RASA1: variants seen among roughly 807,000 people sequenced by gnomAD.
RASA1 encodes the protein ras GTPase-activating protein 1.
RASA1 carries 25 observed loss-of-function variants against 132.2 expected under a neutral mutation model. The observed-to-expected ratio is 0.19, with a 90% CI of 0.14 to 0.26. The LOEUF (loss-of-function observed/expected upper bound fraction) is 0.26, where lower values mean the gene tolerates loss of function less well. Among genes scored for constraint, RASA1 ranks in the 10% least tolerant of loss-of-function variants. RASA1 has a pLI of 1.00. For missense variants in RASA1, 964 were observed against 1,299.2 expected, an observed-to-expected ratio of 0.74 and a Z score of 3.97; for synonymous variants, 477 against 449.9, an observed-to-expected ratio of 1.06 and a Z score of -0.76.
intron 1 of RASA1, chr5:87,330,924 T>A: frequency 7.2e-7 from 1 of 1,393,174 alleles, no homozygotes; most frequent in Middle Eastern, 2.0e-4. Flanking sequence ...ATAAAACATT[T>A]TATATTCTCA....
intron 8 of RASA1, among the ~76,000 whole-genome samples, chr5:87,350,770 C>G (rs1759203984): frequency 6.6e-6 from 1 of 151,064 alleles, no homozygotes; most frequent in Non-Finnish European, 1.5e-5. Flanking sequence ...ACCATTCCCC[C>G]AGAACTTTGA....
chr5:87,386,997 A>G, intron 23 of RASA1, 94 bp downstream of exon 23: 2 of 1,182,484 alleles, frequency 1.7e-6, no homozygotes, highest in South Asian at 1.3e-5. Flanking sequence ...AAGATTTTCT[A>G]TCCAAAACTA....
At chr5:87,337,413 G>C (rs1186178332) in intron 4 of RASA1, among the ~76,000 whole-genome samples, 1 of 151,992 alleles carries the variant, frequency 6.6e-6, no homozygotes, top group African/African-American at 2.4e-5. Flanking sequence ...TGGATAATGG[G>C]TATCTGGGTG....
At chr5:87,360,831 T>C (rs1472579644) in intron 9 of RASA1, among the ~76,000 whole-genome samples, 1 of 152,222 alleles carries the variant, frequency 6.6e-6, no homozygotes, top group Non-Finnish European at 1.5e-5. Flanking sequence ...GCTGTTTCTT[T>C]GCATTCGTTT....
intron 5 of RASA1, among the ~76,000 whole-genome samples, chr5:87,338,536 A>ATATATATATATATATATATATTTTTT: frequency 4.7e-5 from 4 of 85,216 alleles, no homozygotes; most frequent in Admixed American, 2.6e-4. Flanking sequence ...TATATATAAA[A>ATATATATATATATATATATATTTTTT]TTTTTTTTTT....
intron 24 of RASA1, among the ~76,000 whole-genome samples, chr5:87,390,129 A>G: frequency 6.6e-6 from 1 of 152,218 alleles, no homozygotes; most frequent in East Asian, 1.9e-4. Context: ...GGATGTATTC[A>G]AAGACCAGAC....
chr5:87,387,811 C>T (rs1762169295), intron 23 of RASA1, among the ~76,000 whole-genome samples: 1 of 152,052 alleles, frequency 6.6e-6, no homozygotes, highest in South Asian at 2.1e-4. Context: ...GTGAAATGGA[C>T]AAAAATGCTA....
chr5:87,317,955 G>A (rs1288380421), intron 1 of RASA1, among the ~76,000 whole-genome samples: 3 of 151,850 alleles, frequency 2.0e-5, no homozygotes, highest in Non-Finnish European at 4.4e-5. Flanking sequence ...ACACTCTTAA[G>A]CTCATTTTTT....
chr5:87,281,745 A>C (rs1490437051), intron 1 of RASA1, among the ~76,000 whole-genome samples: 1 of 151,618 alleles, frequency 6.6e-6, no homozygotes, highest in East Asian at 1.9e-4. Context: ...CACGCCCGGC[A>C]AATTTTTGTG....
rs563683445 is a variant in RASA1 at position 87,304,691 on chromosome 5, C to T, written c.540-26657C>T. On this transcript the variant is annotated intron_variant, in intron 1 of 24. Transcript: ENST00000274376. The stretch of plus-strand genomic sequence containing the variant: ...CCATGTTGGGGAGGCTGGTCTTGAA[C>T]TCCTGACCTCAAGTGATCCACCCGC... Among the ~76,000 whole-genome samples, 9 of 152,248 alleles carry T rather than the reference C, an allele frequency of 5.9e-5. No homozygotes were observed. In the South Asian group the frequency reaches 1.9e-3, roughly 32 times the overall value.
At chr5:87,322,332 G>T (rs900815569) in intron 1 of RASA1, among the ~76,000 whole-genome samples, 1 of 152,134 alleles carries the variant, frequency 6.6e-6, no homozygotes, top group South Asian at 2.1e-4. Context: ...TCACAGGAGC[G>T]CAAACCCTAT....
chr5:87,349,229 G>A lies in RASA1; in HGVS notation c.1118G>A (p.Ser373Asn). The change falls in exon 8 of 25, where the codon AGT (serine) becomes AAT (asparagine). Residue 373 changes from serine to asparagine, a missense_variant. By Grantham distance (46) the Ser-to-Asn change is conservative (BLOSUM62 1). This residue lies in a region of RASA1 where 154 missense variants were observed against 286.5 expected (regional missense o/e 0.54). Coordinates refer to ENST00000274376, the MANE Select transcript of RASA1 (RefSeq NM_002890.3). ...ATTCTTACAGTTGGTCAAGTCTGCA[G>A]TTTTCTTGTGAGGCCCTCAGATAAT... ...NLLMTVGQVC[S>N]FLVRPSDNTP... 6.2e-7 allele frequency: 1 copy of A among 1,611,936 alleles called. No homozygotes were observed. Among genetic ancestry groups the A allele is most frequent in the Non-Finnish European group, 8.5e-7 (1 of 1,178,576 alleles).
intron 1 of RASA1, among the ~76,000 whole-genome samples, chr5:87,277,161 T>C (rs904797792): frequency 3.9e-5 from 6 of 152,296 alleles, no homozygotes; most frequent in African/African-American, 1.4e-4. Flanking sequence ...AACTGAGTGA[T>C]AGAGCTGGAA....
intron 9 of RASA1, among the ~76,000 whole-genome samples, chr5:87,360,594 A>G (rs756183589): frequency 9.8e-5 from 15 of 152,312 alleles, no homozygotes; most frequent in Admixed American, 9.2e-4. Context: ...GTAATTTTTT[A>G]TACAAAGGCC....
At chr5:87,365,222 T>C (rs888776326) in intron 11 of RASA1, among the ~76,000 whole-genome samples, 7 of 152,120 alleles carry the variant, frequency 4.6e-5, no homozygotes, top group African/African-American at 1.7e-4. Flanking sequence ...TAAAATCCTA[T>C]TGTAGTAGAG....
rs780829562 is a variant in RASA1, at chr5:87,268,556, G to T, written c.105G>T (p.Arg35=). Residue 35 remains arginine (R), a synonymous_variant, in exon 1 of 25, where the codon CGG becomes CGT. Transcript: ENST00000274376. ...AGSSAYPAVC[R]VKIPAALPVA... is the part of the protein sequence containing the mutation. ...CCAGTGCCTATCCCGCAGTGTGTCG[G>T]GTGAAGATACCCGCGGCCCTGCCTG... The T allele has an allele frequency of 1.2e-5, 19 of 1,604,784 alleles. No individual in the cohort carries two copies. The South Asian group carries it at 1.8e-4, about 15-fold the overall frequency.
At chr5:87,350,012 A>G (rs1207345765) in intron 8 of RASA1, among the ~76,000 whole-genome samples, 4 of 151,890 alleles carry the variant, frequency 2.6e-5, no homozygotes, top group Non-Finnish European at 4.4e-5. Context: ...TCTATTTCCT[A>G]TTTCAGAGGC....
chr5:87,286,123 T>A (rs1277180428), intron 1 of RASA1, among the ~76,000 whole-genome samples: 1 of 152,118 alleles, frequency 6.6e-6, no homozygotes, highest in African/African-American at 2.4e-5. Context: ...TGCCTCAGCC[T>A]CCCGAGTAGC....
At chr5:87,363,037 G>T (rs368686106) in intron 10 of RASA1, among the ~76,000 whole-genome samples, 4 of 151,748 alleles carry the variant, frequency 2.6e-5, no homozygotes, top group South Asian at 2.1e-4. Context: ...TAAAGTGGAA[G>T]AATTTTTTCC....
Sources: gnomAD v4.1 joint callset for allele counts (sites outside exome capture counted in the v4.1 genomes callset) on GRCh38, gnomAD v4.1.1 for gene constraint, gnomAD v4.1.1 regional missense constraint, MANE v1.5 for transcripts, NCBI Gene and HGNC (gene_info 2026-07-23, HGNC 2026-07-21) for gene names.